The following FHIT variants were observed in gnomAD, a reference collection of about 807,000 sequenced individuals.
FHIT encodes fragile histidine triad diadenosine triphosphatase.
A neutral mutation model predicts 17.9 loss-of-function variants in FHIT; 19 were observed. The observed-to-expected ratio is 1.06, with a 90% CI of 0.74 to 1.56. The LOEUF is 1.56. Among genes scored for constraint, FHIT ranks in the 40% most tolerant of loss-of-function variants. The pLI is 0.00. For missense variants in FHIT, 248 were observed against 189.2 expected (o/e 1.31, Z -1.82); for synonymous variants, 81 against 69.7 (o/e 1.16, Z -0.81).
intron 5 of FHIT, among the ~76,000 whole-genome samples, chr3:60,504,934 G>T (rs1249641776): frequency 6.6e-6 from 1 of 152,154 alleles, no homozygotes; most frequent in Non-Finnish European, 1.5e-5. Flanking sequence ...TAAGTTCAAA[G>T]TGGAAGTCAA....
intron 5 of FHIT, among the ~76,000 whole-genome samples, chr3:60,029,879 T>TAG (rs1553655670): frequency 7.6e-6 from 1 of 131,402 alleles, no homozygotes; most frequent in African/African-American, 2.8e-5. Context: ...CATAGAAGCA[T>TAG]TGTGTGTGTG....
intron 5 of FHIT, among the ~76,000 whole-genome samples, chr3:60,331,183 A>G (rs1709954350): frequency 6.6e-6 from 1 of 152,152 alleles, no homozygotes; most frequent in South Asian, 2.1e-4. Context: ...GCCTGTGTAC[A>G]TGATGTTCAT....
chr3:60,463,606 G>A (rs1576699477), intron 5 of FHIT, among the ~76,000 whole-genome samples: 1 of 152,192 alleles, frequency 6.6e-6, no homozygotes, highest in East Asian at 1.9e-4. Flanking sequence ...GGGAAAGGAA[G>A]GGGACGTGTA....
At chr3:60,926,248 T>G (rs1269592756) in intron 3 of FHIT, among the ~76,000 whole-genome samples, 2 of 152,158 alleles carry the variant, frequency 1.3e-5, no homozygotes, top group Non-Finnish European at 2.9e-5. Flanking sequence ...ATCAACAGAA[T>G]ATACATTCTT....
chr3:61,244,774 T>G (rs899785379), intron 1 of FHIT, among the ~76,000 whole-genome samples: 1 of 152,208 alleles, frequency 6.6e-6, no homozygotes, highest in Non-Finnish European at 1.5e-5. Flanking sequence ...TAGCTCATGT[T>G]TTCTTATTCA....
intron 8 of FHIT, among the ~76,000 whole-genome samples, chr3:59,828,967 C>A (rs1701071759): frequency 6.6e-6 from 1 of 151,480 alleles, no homozygotes; most frequent in Non-Finnish European, 1.5e-5. Flanking sequence ...AAAAGAAAAT[C>A]TTAATTTGTG....
intron 5 of FHIT, among the ~76,000 whole-genome samples, chr3:60,500,661 T>C (rs2034486367): frequency 6.7e-6 from 1 of 149,464 alleles, no homozygotes; most frequent in Non-Finnish European, 1.5e-5. Flanking sequence ...TAATCCTAGC[T>C]ACTAGGGAGG....
chr3:60,193,978 G>T (rs1050723031), intron 5 of FHIT, among the ~76,000 whole-genome samples: 2 of 152,176 alleles, frequency 1.3e-5, no homozygotes, highest in African/African-American at 4.8e-5. Flanking sequence ...AATGATCATG[G>T]ATTGGAAGAA....
intron 5 of FHIT, among the ~76,000 whole-genome samples, chr3:60,138,105 G>A (rs1480407234): frequency 6.6e-6 from 1 of 152,182 alleles, no homozygotes; most frequent in African/African-American, 2.4e-5. Context: ...GGCTCCAATC[G>A]AAGATCGTCC....
intron 3 of FHIT, among the ~76,000 whole-genome samples, chr3:60,892,779 A>G (rs1705588071): frequency 6.6e-6 from 1 of 152,236 alleles, no homozygotes; most frequent in Non-Finnish European, 1.5e-5. Context: ...CATTAAAGTT[A>G]TGATTATAAA....
At chr3:60,291,970 A>AAC (rs1224781401) in intron 5 of FHIT, among the ~76,000 whole-genome samples, 1 of 152,108 alleles carries the variant, frequency 6.6e-6, no homozygotes, top group Non-Finnish European at 1.5e-5. Flanking sequence ...TGGCCTCCAG[A>AAC]ACTGTGAGAT....
chr3:61,169,148 C>G (rs1218598820), intron 2 of FHIT, among the ~76,000 whole-genome samples: 1 of 152,214 alleles, frequency 6.6e-6, no homozygotes, highest in Non-Finnish European at 1.5e-5. Context: ...TTCCAGCTGT[C>G]TGACTCTAGC....
intron 4 of FHIT, among the ~76,000 whole-genome samples, chr3:60,745,851 C>T (rs2108019999): frequency 6.6e-6 from 1 of 152,292 alleles, no homozygotes; most frequent in East Asian, 1.9e-4. Context: ...CTGAACGCAT[C>T]TGTACTCCCT....
At chr3:60,075,497 T>C (rs1399160125) in intron 5 of FHIT, among the ~76,000 whole-genome samples, 1 of 152,294 alleles carries the variant, frequency 6.6e-6, no homozygotes, top group East Asian at 1.9e-4. Flanking sequence ...ATTCGAGTGT[T>C]TGTTTAAAAT....
At chr3:60,407,632 G>A (rs566381290) in intron 5 of FHIT, among the ~76,000 whole-genome samples, 18 of 151,986 alleles carry the variant, frequency 1.2e-4, no homozygotes, top group East Asian at 9.7e-4. Flanking sequence ...CTCCTATCTC[G>A]GCCTCCCAAA....
intron 5 of FHIT, among the ~76,000 whole-genome samples, chr3:60,293,424 T>C (rs1447886352): frequency 6.6e-6 from 1 of 152,164 alleles, no homozygotes; most frequent in African/African-American, 2.4e-5. Flanking sequence ...ATTCCAGTTA[T>C]GGCTTCAAAG....
chr3:60,382,691 T>G (rs1458754451), intron 5 of FHIT, among the ~76,000 whole-genome samples: 1 of 152,144 alleles, frequency 6.6e-6, no homozygotes, highest in Non-Finnish European at 1.5e-5. Context: ...AATCAGAGGT[T>G]TTTTTACCCC....
In FHIT at chr3:60,642,582, T is replaced by G. The variant is rs79907169; in HGVS notation, c.-17-105603A>C. ...TCTTCTATATTAGAAATTTCCAAAG[T>G]AAATGCACAAAAAAGGGGAGAAATG... is the stretch of plus-strand genomic sequence containing the variant. On this transcript the variant is annotated intron_variant, in intron 4 of 9. Coordinates refer to ENST00000492590, the MANE Select transcript of FHIT (RefSeq NM_002012.4). Among the ~76,000 whole-genome samples the G allele has an allele frequency of 2.4e-3, 360 of 152,300 alleles. 2 individuals are homozygous for G. Among genetic ancestry groups the G allele is most frequent in the African/African-American group, 8.2e-3 (341 of 41,570 alleles).
intron 8 of FHIT, among the ~76,000 whole-genome samples, chr3:59,799,595 A>T (rs1050628996): frequency 6.6e-6 from 1 of 152,240 alleles, no homozygotes; most frequent in Non-Finnish European, 1.5e-5. Context: ...ATAGCTAGAT[A>T]GTCCTAGAAA....
Sources: allele counts gnomAD v4.1 joint callset (sites outside exome capture counted in the v4.1 genomes callset), GRCh38; gene constraint gnomAD v4.1.1; transcripts MANE v1.5; gene names NCBI Gene and HGNC (gene_info 2026-07-23, HGNC 2026-07-21).